The following UBE2D4 variants were observed in gnomAD, a reference collection of about 807,000 sequenced individuals.
UBE2D4 encodes ubiquitin conjugating enzyme E2 D4.
UBE2D4 carries 17 observed loss-of-function variants against 23.0 expected under a neutral mutation model. The ratio of observed to expected loss-of-function variants is 0.74; its 90% CI spans 0.51 to 1.11. UBE2D4 has a LOEUF of 1.11. Ranked by LOEUF, UBE2D4 falls within the 50% of genes least tolerant of loss-of-function variation. The pLI is 0.00. For missense variants in UBE2D4, 139 were observed against 181.8 expected (o/e 0.76, Z 1.35); for synonymous variants, 61 against 69.4 (o/e 0.88, Z 0.60).
chr7:43,938,055 T>C (rs111248387), intron 1 of UBE2D4, among the ~76,000 whole-genome samples: 2,583 of 152,132 alleles, frequency 0.017, 66 homozygotes, highest in African/African-American at 0.059. Context: ...CTGGGCTGCT[T>C]TTCTTCCATA....
chr7:43,929,228 C>T (rs2095940197), intron 1 of UBE2D4, among the ~76,000 whole-genome samples: 1 of 151,978 alleles, frequency 6.6e-6, no homozygotes, highest in South Asian at 2.1e-4. Context: ...AGTTTGAGAC[C>T]AGCCTGGCCA....
chr7:43,926,666 A>G, intron 1 of UBE2D4, 110 bp downstream of exon 1: 2 of 1,217,630 alleles, frequency 1.6e-6, no homozygotes, highest in East Asian at 3.0e-5. Context: ...AGTCGCGGAT[A>G]CACCTGCCTG....
intron 4 of UBE2D4, among the ~76,000 whole-genome samples, chr7:43,945,268 C>T (rs1423181660): frequency 3.9e-5 from 6 of 152,192 alleles, no homozygotes; most frequent in Non-Finnish European, 8.8e-5. Context: ...GCTGGGATTA[C>T]AGGCGTGAGC....
rs756839575 is a variant in UBE2D4, at chr7:43,953,188, C to T, written c.*493C>T. 4.4e-6 allele frequency: 2 copies of T among 456,764 alleles called. No individual in the cohort carries two copies. The highest frequency in any genetic ancestry group is 8.8e-6 in the Non-Finnish European group (2 of 226,980). The allele number at this position is 456,764 out of a possible 1,614,324, so 28.3% of individuals were successfully genotyped here. A position where few individuals can be genotyped will look rare whatever the true frequency, so the allele number is the denominator to read the frequency against. The stretch of plus-strand genomic sequence containing the variant: ...TGCAGAACCACATCCTGAGGAGTCT[C>T]AGCTTATCCTGGAGGGAATTGGGAA... On this transcript the variant is annotated 3_prime_UTR_variant, in exon 7 of 7. Coordinates refer to ENST00000222402, the MANE Select transcript of UBE2D4 (RefSeq NM_015983.4).
intron 1 of UBE2D4, 36 bp downstream of exon 1, chr7:43,926,592 CCGAAGCGT>C: frequency 6.4e-7 from 1 of 1,551,890 alleles, no homozygotes; most frequent in South Asian, 1.2e-5. Context: ...CTTTGGGTGT[CCGAAGCGT>C]CGAGGTGTGG....
At chr7:43,936,377 A>G (rs966677124) in intron 1 of UBE2D4, among the ~76,000 whole-genome samples, 2 of 152,134 alleles carry the variant, frequency 1.3e-5, no homozygotes, top group African/African-American at 2.4e-5. Context: ...CTCTACTACT[A>G]TTCAATACTT....
At chr7:43,930,763 T>G (rs1489948670) in intron 1 of UBE2D4, among the ~76,000 whole-genome samples, 2 of 152,008 alleles carry the variant, frequency 1.3e-5, no homozygotes, top group African/African-American at 4.8e-5. Context: ...CAGGACAGGG[T>G]TATATGTGGC....
chr7:43,950,610 A>G lies in UBE2D4; in HGVS notation c.316A>G (p.Ile106Val), dbSNP rs2096000073. The G allele has an allele frequency of 6.2e-7, 1 of 1,614,156 alleles. No individual in the cohort carries two copies. Among genetic ancestry groups the G allele is most frequent in the Non-Finnish European group, 8.5e-7 (1 of 1,180,000 alleles). The change falls in exon 6 of 7, where the codon ATC (isoleucine) becomes GTC (valine). Residue 106 changes from isoleucine to valine, a missense_variant. Physicochemically the swap from Ile to Val is conservative, Grantham distance 29. Coordinates refer to ENST00000222402, the MANE Select transcript of UBE2D4 (RefSeq NM_015983.4). ...TCTTTTCTTCCCAGTTCTCTTGTCC[A>G]TCTGCTCGCTGCTCTGCGACCCCAA... ...ALTVSKVLLS[I>V]CSLLCDPNPD...
rs542552640 is a variant in UBE2D4, at chr7:43,938,458, C to T, written c.52C>T (p.Pro18Ser). Residue 18 changes from proline (P) to serine (S), a missense_variant, in exon 2 of 7, where the codon CCT becomes TCT. Transcript: ENST00000222402. Reference protein sequence around the residue: ...KELTDLQRDPPAQCSAGPVGD... With the variant: ...KELTDLQRDPSAQCSAGPVGD... ...ATTAACCGACTTGCAGAGGGATCCT[C>T]CTGCCCAGTGTTCTGCAGGACCTGT... 1 of 1,614,164 alleles carries T rather than the reference C, an allele frequency of 6.2e-7. No individual in the cohort carries two copies. The highest frequency in any genetic ancestry group is 1.7e-5 in the Admixed American group (1 of 60,002).
chr7:43,948,395 A>C (rs944274591), intron 4 of UBE2D4, among the ~76,000 whole-genome samples: 3 of 152,162 alleles, frequency 2.0e-5, no homozygotes, highest in Admixed American at 2.0e-4. Flanking sequence ...GATGGTATCA[A>C]TCCCCCTATG....
chr7:43,927,296 TA>T (rs1197742850), intron 1 of UBE2D4, among the ~76,000 whole-genome samples: 2 of 146,446 alleles, frequency 1.4e-5, no homozygotes, highest in African/African-American at 2.5e-5. Context: ...GTAGTATTTA[TA>T]ACTTTTTTTT....
At position 43,955,058 on chromosome 7, in the gene UBE2D4, C is replaced by A. The variant is rs2096010663; in HGVS notation, c.*2363C>A. On this transcript the variant is annotated 3_prime_UTR_variant, in exon 7 of 7. Transcript: ENST00000222402. ...ACTCACCCATTGAAGCCTAAGGTGG[C>A]TTTGTACCTTCCAGATCTCTCAGCA... The A allele has an allele frequency of 6.6e-6, 1 of 152,198 alleles. No individual in the cohort carries two copies. Among genetic ancestry groups the A allele is most frequent in the African/African-American group, 2.4e-5 (1 of 41,444 alleles). The allele number at this position is 152,198 out of a possible 1,614,324, so 9.4% of individuals were successfully genotyped here.
chr7:43,942,040 C>G (rs2095974092), intron 2 of UBE2D4: 6 of 152,244 alleles, frequency 3.9e-5, no homozygotes, highest in Admixed American at 3.9e-4. Context: ...TGCACACCAA[C>G]AATGTGATTT....
chr7:43,937,328 G>C (rs2095960700), intron 1 of UBE2D4, among the ~76,000 whole-genome samples: 1 of 152,202 alleles, frequency 6.6e-6, no homozygotes, highest in Non-Finnish European at 1.5e-5. Context: ...GGGGCACATA[G>C]CAGAGAGGTA....
intron 1 of UBE2D4, chr7:43,928,236 C>T (rs2095937397): frequency 3.4e-6 from 1 of 294,786 alleles, no homozygotes; most frequent in Non-Finnish European, 6.8e-6. Context: ...AATCCGCCCC[C>T]ACGACCCAGA....
intron 1 of UBE2D4, among the ~76,000 whole-genome samples, chr7:43,926,938 G>A (rs1028465849): frequency 3.3e-5 from 5 of 152,222 alleles, no homozygotes; most frequent in Admixed American, 1.3e-4. Context: ...TGGGGAAAAG[G>A]GGAAAAGGCT....
Position 43,942,812 on chromosome 7 carries a change from C to G in UBE2D4, c.89-14C>G. 2 of 1,614,184 alleles carry G rather than the reference C, an allele frequency of 1.2e-6. No homozygotes were observed. Among genetic ancestry groups the G allele is most frequent in the Non-Finnish European group, 1.7e-6 (2 of 1,180,034 alleles). On this transcript the variant is annotated splice_polypyrimidine_tract_variant and intron_variant, in intron 2 of 6. Coordinates refer to ENST00000222402, the MANE Select transcript of UBE2D4 (RefSeq NM_015983.4). Reference sequence around the variant, plus strand: ...GGGGGTCTCTTACATGCCCGTCTCTCTTTTGTTTTGTAGTGTTCCACTGGC... The same window carrying G: ...GGGGGTCTCTTACATGCCCGTCTCTGTTTTGTTTTGTAGTGTTCCACTGGC...
In UBE2D4 at chr7:43,944,213, T is replaced by A. The variant is rs10280249; in HGVS notation, c.198+1182T>A. On this transcript the variant is annotated intron_variant, in intron 4 of 6. Coordinates refer to ENST00000222402, the MANE Select transcript of UBE2D4 (RefSeq NM_015983.4). This position sits in a 1 kb window ranked among gnomAD's most constrained non-coding sequence, Gnocchi z 4.0. ...GGGACTACAGGCACTCGCCACCACA[T>A]GTGGCTAATTTTTGTGTTATTTTTA... 6.6e-6 allele frequency: 1 copy of A among 151,988 alleles called. No individual in the cohort carries two copies. Among genetic ancestry groups the A allele is most frequent in the Non-Finnish European group, 1.5e-5 (1 of 67,988 alleles). The allele number at this position is 151,988 out of a possible 1,614,324, so 9.4% of individuals were successfully genotyped here. A position where few individuals can be genotyped will look rare whatever the true frequency, so the allele number is the denominator to read the frequency against.
At chr7:43,949,701 G>T (rs182525113) in intron 5 of UBE2D4, among the ~76,000 whole-genome samples, 13 of 152,304 alleles carry the variant, frequency 8.5e-5, no homozygotes, top group African/African-American at 2.2e-4. Context: ...AAGAATCCAG[G>T]CACCACAATT....
Sources: allele counts gnomAD v4.1 joint callset (sites outside exome capture counted in the v4.1 genomes callset), GRCh38; gene constraint gnomAD v4.1.1; non-coding constraint Gnocchi (gnomAD v3.1); transcripts MANE v1.5; gene names NCBI Gene and HGNC (gene_info 2026-07-23, HGNC 2026-07-21).